The following BAAT variants were observed in gnomAD, a reference collection of about 807,000 sequenced individuals.
The protein encoded by BAAT is bile acid CoA: amino acid N-acyltransferase (glycine N-choloyltransferase).
A neutral mutation model predicts 18.9 loss-of-function variants in BAAT; 13 were observed. The observed-to-expected ratio is 0.69, with a 90% CI of 0.45 to 1.10. BAAT has a LOEUF of 1.10. Ranked by LOEUF, BAAT falls within the 50% of genes least tolerant of loss-of-function variation. The pLI is 0.00. For missense variants in BAAT, 489 were observed against 504.0 expected (o/e 0.97, Z 0.28); for synonymous variants, 170 against 190.7 (o/e 0.89, Z 0.89).
rs532010385 is a variant in BAAT, at chr9:101,362,613, G to A, written c.1072C>T (p.Pro358Ser). ...GKNNWTLLSY[P>S]GAGHLIEPPY... is the part of the protein sequence containing the mutation. The stretch of plus-strand genomic sequence containing the variant: ...GGTTCTATCAGGTGGCCTGCCCCAG[G>A]GTAAGATAGCAGGGTCCAGTTGTTC... Residue 358 changes from proline to serine, a missense_variant, in exon 4 of 4, where the codon CCT becomes TCT. Physicochemically the swap from Pro to Ser is moderately conservative, Grantham distance 74. Transcript: ENST00000259407. The A allele has an allele frequency of 8.1e-6, 13 of 1,614,136 alleles. No individual in the cohort carries two copies. The East Asian group carries it at 2.2e-4, about 28-fold the overall frequency.
At chr9:101,369,290 T>C (rs1050695722) in intron 2 of BAAT, among the ~76,000 whole-genome samples, 1 of 152,122 alleles carries the variant, frequency 6.6e-6, no homozygotes, top group African/African-American at 2.4e-5. Flanking sequence ...AATGAATAAA[T>C]AATAAATAAA....
chr9:101,377,196 A>C (rs1313664078), intron 1 of BAAT, among the ~76,000 whole-genome samples: 1 of 152,222 alleles, frequency 6.6e-6, no homozygotes, highest in African/African-American at 2.4e-5. Flanking sequence ...TTTGAGTCTT[A>C]ATACAACACT....
At chr9:101,381,592 A>G (rs1830133551) in intron 1 of BAAT, among the ~76,000 whole-genome samples, 1 of 152,180 alleles carries the variant, frequency 6.6e-6, no homozygotes, top group Admixed American at 6.5e-5. Flanking sequence ...AACTAATTGA[A>G]AAAGCAAGTG....
At position 101,371,050 on chromosome 9, in the gene BAAT, C is replaced by T. The variant is rs1829930929; in HGVS notation, c.355G>A (p.Ala119Thr). Residue 119 changes from alanine (A) to threonine (T), a missense_variant, in exon 2 of 4, where the codon GCC becomes ACC. Physicochemically the swap from Ala to Thr is moderately conservative, Grantham distance 58. Coordinates refer to ENST00000259407, the MANE Select transcript of BAAT (RefSeq NM_001701.4). ...GTCAGGCTGGCCTTTGGAGCACTGG[C>T]AACTTTATTGTTCACTATTAACTCT... is the stretch of plus-strand genomic sequence containing the variant. The part of the protein sequence containing the change: ...DLELIVNNKV[A>T]SAPKASLTLE... 2 of 1,614,102 alleles carry T rather than the reference C, an allele frequency of 1.2e-6. No individual in the cohort carries two copies. The highest frequency in any genetic ancestry group is 1.7e-5 in the Admixed American group (1 of 60,000).
chr9:101,373,625 T>C (rs1829994640), intron 1 of BAAT, among the ~76,000 whole-genome samples: 1 of 152,244 alleles, frequency 6.6e-6, no homozygotes, highest in South Asian at 2.1e-4. Flanking sequence ...AGAGAAACTA[T>C]CACCTACTTG....
chr9:101,363,672 A>C (rs1829775046), intron 3 of BAAT, among the ~76,000 whole-genome samples: 1 of 151,664 alleles, frequency 6.6e-6, no homozygotes, highest in South Asian at 2.1e-4. Context: ...AGATGATTGG[A>C]GCATCATAAA....
chr9:101,366,561 T>C (rs1588139796), intron 3 of BAAT, among the ~76,000 whole-genome samples: 1 of 152,208 alleles, frequency 6.6e-6, no homozygotes, highest in East Asian at 1.9e-4. Context: ...AGAACAGTGA[T>C]GAAAAAGTCA....
At chr9:101,372,196 G>T (rs575810280) in intron 1 of BAAT, among the ~76,000 whole-genome samples, 9 of 151,850 alleles carry the variant, frequency 5.9e-5, no homozygotes, top group Admixed American at 3.9e-4. Flanking sequence ...CTACCTATTG[G>T]GTACTTAATA....
chr9:101,376,079 T>G (rs183318258), intron 1 of BAAT: 1 of 157,100 alleles, frequency 6.4e-6, no homozygotes, highest in African/African-American at 2.4e-5. Flanking sequence ...CGCATGTGTT[T>G]CTGATGGCTT....
Position 101,373,270 on chromosome 9 carries a change from T to A in BAAT, c.-59-1807A>T, listed in dbSNP as rs373753354. ...CTTGGCAATGAGTACTTGGCCTATT[T>A]GTCCCCATAGCCATAAAAAATAATG... On this transcript the variant is annotated intron_variant, in intron 1 of 3. Coordinates refer to ENST00000259407, the MANE Select transcript of BAAT (RefSeq NM_001701.4). Among the ~76,000 whole-genome samples, 53 of 152,312 alleles carry A rather than the reference T, an allele frequency of 3.5e-4. 1 individual carries two copies. The East Asian group carries it at 9.8e-3, about 28-fold the overall frequency.
intron 1 of BAAT, 112 bp from the exon 2 acceptor site, chr9:101,371,575 C>T (rs1829946381): frequency 1.4e-6 from 1 of 693,288 alleles, no homozygotes; most frequent in Non-Finnish European, 2.5e-6. Flanking sequence ...CCCTCTAGTT[C>T]TTTAGAAACT....
At chr9:101,376,319 G>T (rs1830045885) in intron 1 of BAAT, 1 of 206,870 alleles carries the variant, frequency 4.8e-6, no homozygotes. Flanking sequence ...CTAGATGCAA[G>T]GCCAGTGATA....
At chr9:101,382,207 G>A (rs184208740) in intron 1 of BAAT, among the ~76,000 whole-genome samples, 3 of 152,272 alleles carry the variant, frequency 2.0e-5, no homozygotes, top group Non-Finnish European at 2.9e-5. Context: ...ACCAGGGAGA[G>A]GCAGTTTCTC....
chr9:101,384,718 T>C (rs1351705537), intron 1 of BAAT, among the ~76,000 whole-genome samples, 137 bp downstream of exon 1: 3 of 152,328 alleles, frequency 2.0e-5, no homozygotes, highest in East Asian at 1.9e-4. Flanking sequence ...AAATTTGTAT[T>C]TGCTGAACTA....
At chr9:101,365,088 A>C (rs1221015115) in intron 3 of BAAT, among the ~76,000 whole-genome samples, 1 of 152,216 alleles carries the variant, frequency 6.6e-6, no homozygotes, top group African/African-American at 2.4e-5. Context: ...TATTGCTCCC[A>C]GTTACCAATT....
At chr9:101,374,995 T>C (rs1273740109) in intron 1 of BAAT, among the ~76,000 whole-genome samples, 2 of 152,224 alleles carry the variant, frequency 1.3e-5, no homozygotes, top group Non-Finnish European at 2.9e-5. Flanking sequence ...CCATGATTAC[T>C]GATATGGTTT....
At position 101,370,705 on chromosome 9, in the gene BAAT, T is replaced by C. The variant is rs77175353; in HGVS notation, c.466+234A>G. Among the ~76,000 whole-genome samples, 524 of 152,254 alleles carry C rather than the reference T, an allele frequency of 3.4e-3. 5 individuals are homozygous for C. The highest frequency in any genetic ancestry group is 0.012 in the African/African-American group (494 of 41,548). On this transcript the variant is annotated intron_variant, in intron 2 of 3. Coordinates refer to ENST00000259407, the MANE Select transcript of BAAT (RefSeq NM_001701.4). ...TGAAACTTGAGCTGGAGTAGAATATTACCACATTCTTGTTCAGACCCAAGG... is the reference window on the plus strand; with the variant it reads ...TGAAACTTGAGCTGGAGTAGAATATCACCACATTCTTGTTCAGACCCAAGG...
chr9:101,375,005 T>C (rs1830015079), intron 1 of BAAT, among the ~76,000 whole-genome samples: 1 of 152,218 alleles, frequency 6.6e-6, no homozygotes, highest in Admixed American at 6.5e-5. Context: ...TGATATGGTT[T>C]GGCTGTGTTC....
chr9:101,379,399 C>T (rs1364462967), intron 1 of BAAT, among the ~76,000 whole-genome samples: 1 of 152,160 alleles, frequency 6.6e-6, no homozygotes, highest in African/African-American at 2.4e-5. Flanking sequence ...ATGGCAAATC[C>T]CTGGCTTTGT....
Sources: allele counts gnomAD v4.1 joint callset (sites outside exome capture counted in the v4.1 genomes callset), GRCh38; gene constraint gnomAD v4.1.1; transcripts MANE v1.5; gene names NCBI Gene and HGNC (gene_info 2026-07-23, HGNC 2026-07-21).